Variants in GLCCI1 observed in about 807,000 individuals in gnomAD.
GLCCI1 encodes glucocorticoid-induced transcript 1 protein.
In GLCCI1, 24 loss-of-function variants were observed where a neutral mutation model predicts 52.2. That is an observed-to-expected ratio of 0.46 (90% CI 0.33 to 0.65). GLCCI1 has a LOEUF of 0.65. Ranked by LOEUF, GLCCI1 falls within the 30% of genes least tolerant of loss-of-function variation. GLCCI1 has a pLI of 0.02. For missense variants in GLCCI1, 704 were observed against 701.5 expected, an observed-to-expected ratio of 1.00 and a Z score of -0.04; for synonymous variants, 310 against 276.5, an observed-to-expected ratio of 1.12 and a Z score of -1.20.
intron 2 of GLCCI1, among the ~76,000 whole-genome samples, chr7:8,019,345 A>G (rs1781437217): frequency 6.6e-6 from 1 of 152,182 alleles, no homozygotes; most frequent in South Asian, 2.1e-4. Flanking sequence ...TGTGGCTAGT[A>G]GCTGTTGTAT....
At chr7:8,069,510 G>T (rs1782706375) in intron 5 of GLCCI1, among the ~76,000 whole-genome samples, 1 of 152,174 alleles carries the variant, frequency 6.6e-6, no homozygotes. Context: ...TCAGCCAGGG[G>T]GTGGGGCAGC....
chr7:8,080,452 A>G (rs566712275), intron 6 of GLCCI1, among the ~76,000 whole-genome samples: 3 of 151,624 alleles, frequency 2.0e-5, no homozygotes, highest in South Asian at 2.1e-4. Flanking sequence ...ATAGTAGTCT[A>G]TAGAATCTGC....
intron 1 of GLCCI1, among the ~76,000 whole-genome samples, chr7:7,970,140 A>C (rs1487359718): frequency 2.0e-5 from 3 of 152,176 alleles, no homozygotes. Flanking sequence ...TAACACGCAC[A>C]CAAACTCTTC....
chr7:7,988,035 C>T (rs944647145), intron 1 of GLCCI1, among the ~76,000 whole-genome samples: 6 of 152,056 alleles, frequency 3.9e-5, no homozygotes, highest in Non-Finnish European at 7.4e-5. Flanking sequence ...ATGGGAGTGA[C>T]GGACATAATG....
intron 1 of GLCCI1, chr7:7,981,316 CTCTT>C (rs71543852): frequency 0.02 from 4,501 of 225,806 alleles, 67 homozygotes; most frequent in East Asian, 0.089. Flanking sequence ...CTTTCTGTCT[CTCTT>C]TCTTTCTTTC....
At chr7:7,975,201 T>TTGTCTTTACG (rs1299761442) in intron 1 of GLCCI1, among the ~76,000 whole-genome samples, 1 of 152,248 alleles carries the variant, frequency 6.6e-6, no homozygotes, top group Non-Finnish European at 1.5e-5. Context: ...TATAATGGAT[T>TTGTCTTTACG]AGCAGTAATT....
Position 7,969,363 on chromosome 7 carries a change from T to C in GLCCI1, c.13T>C (p.Ser5Pro). 1 of 1,321,306 alleles carries C rather than the reference T, an allele frequency of 7.6e-7. No individual in the cohort carries two copies. Among genetic ancestry groups the C allele is most frequent in the Non-Finnish European group, 9.9e-7 (1 of 1,006,232 alleles). The allele number at this position is 1,321,306 out of a possible 1,614,324, so 81.8% of individuals were successfully genotyped here. MSTA[S>P]SSSSSSSSQT... ...CCGCAGAGCCACCATGTCCACTGCC[T>C]CCTCCTCCTCCTCCTCCAGTTCCTC... The change falls in exon 1 of 8, where the codon TCC becomes CCC. Residue 5 changes from serine to proline, a missense_variant. By Grantham distance (74) the Ser-to-Pro change is moderately conservative (BLOSUM62 -1). Transcript: ENST00000223145. The surrounding 1 kb of genome is among the most constrained non-coding windows in gnomAD (Gnocchi z 4.9).
rs989204626 is a variant in GLCCI1 at position 8,078,095 on chromosome 7, G to A, written c.1178-6802G>A. On this transcript the variant is annotated intron_variant, in intron 6 of 7. Coordinates refer to ENST00000223145, the MANE Select transcript of GLCCI1 (RefSeq NM_138426.4). ...TAAAAATACAAAAAATGAGCCGGGC[G>A]TGGTGGCGGGCACCTGTAGTCCCAG... 5.3e-5 allele frequency among the ~76,000 whole-genome samples: 8 copies of A among 151,762 alleles called. No individual in the cohort carries two copies. The South Asian group carries it at 6.3e-4, about 12-fold the overall frequency.
chr7:8,045,050 T>C (rs1782090656), intron 3 of GLCCI1, among the ~76,000 whole-genome samples: 1 of 152,230 alleles, frequency 6.6e-6, no homozygotes, highest in Non-Finnish European at 1.5e-5. Flanking sequence ...ATGGCATATT[T>C]CTGGTTATAA....
intron 3 of GLCCI1, among the ~76,000 whole-genome samples, chr7:8,048,378 G>C (rs1289563561): frequency 6.6e-6 from 1 of 152,074 alleles, no homozygotes; most frequent in African/African-American, 2.4e-5. Context: ...CACACACTCA[G>C]ATTTCCCAAA....
chr7:8,076,282 T>C (rs1209910819), intron 6 of GLCCI1, among the ~76,000 whole-genome samples: 3 of 152,230 alleles, frequency 2.0e-5, no homozygotes, highest in Admixed American at 6.5e-5. Flanking sequence ...ATCACTGCTT[T>C]TGAATCTGGA....
rs137929668 is a variant in GLCCI1 at position 8,037,386 on chromosome 7, C to T, written c.696+14817C>T. 4.6e-3 allele frequency among the ~76,000 whole-genome samples: 701 copies of T among 152,282 alleles called. 17 individuals carry two copies. Among genetic ancestry groups the T allele is most frequent in the Admixed American group, 0.035 (531 of 15,284 alleles). On this transcript the variant is annotated intron_variant, in intron 3 of 7. Coordinates refer to ENST00000223145, the MANE Select transcript of GLCCI1 (RefSeq NM_138426.4). ...CACTAGACTGGTCCTACAAGAAATGCTCAAGGGATTTCTAAACATGGAAAT... is the reference window on the plus strand; with the variant it reads ...CACTAGACTGGTCCTACAAGAAATGTTCAAGGGATTTCTAAACATGGAAAT...
intron 3 of GLCCI1, among the ~76,000 whole-genome samples, chr7:8,034,919 A>G (rs918615111): frequency 6.6e-6 from 1 of 152,090 alleles, no homozygotes; most frequent in Non-Finnish European, 1.5e-5. Flanking sequence ...AGGGCATTAC[A>G]CCAGACTACC....
chr7:7,973,863 A>C (rs1266475207), intron 1 of GLCCI1, among the ~76,000 whole-genome samples: 1 of 151,922 alleles, frequency 6.6e-6, no homozygotes, highest in Non-Finnish European at 1.5e-5. Flanking sequence ...TATCTTTTTA[A>C]GTCATTTTTA....
intron 3 of GLCCI1, among the ~76,000 whole-genome samples, chr7:8,035,311 A>G (rs1226554162): frequency 6.6e-6 from 1 of 152,212 alleles, no homozygotes; most frequent in Non-Finnish European, 1.5e-5. Context: ...CAAGGGAGGA[A>G]CAGGGTTCCA....
intron 1 of GLCCI1, among the ~76,000 whole-genome samples, chr7:7,992,694 T>C (rs1780865683): frequency 6.6e-6 from 1 of 152,128 alleles, no homozygotes; most frequent in African/African-American, 2.4e-5. Context: ...GAGGGACTCC[T>C]GTTACACACA....
intron 2 of GLCCI1, among the ~76,000 whole-genome samples, chr7:8,005,139 A>C (rs1286224460): frequency 6.6e-6 from 1 of 152,234 alleles, no homozygotes; most frequent in East Asian, 1.9e-4. Flanking sequence ...AGCAAAACTT[A>C]GAGGTGTGGG....
chr7:8,009,806 A>C (rs950593189), intron 2 of GLCCI1, among the ~76,000 whole-genome samples: 1 of 152,102 alleles, frequency 6.6e-6, no homozygotes, highest in Non-Finnish European at 1.5e-5. Context: ...CCTTTTAAAC[A>C]AATTTTTGTA....
At chr7:8,055,307 T>G in intron 3 of GLCCI1, 126 bp from the exon 4 acceptor site, 2 of 499,730 alleles carry the variant, frequency 4.0e-6, no homozygotes, top group East Asian at 6.4e-5. Context: ...ATCATGGTGG[T>G]GAAATATTGT....
Sources: allele counts gnomAD v4.1 joint callset (sites outside exome capture counted in the v4.1 genomes callset), GRCh38; gene constraint gnomAD v4.1.1; non-coding constraint Gnocchi (gnomAD v3.1); transcripts MANE v1.5; gene names NCBI Gene and HGNC (gene_info 2026-07-23, HGNC 2026-07-21).